Variants in IGLL5 observed in about 807,000 individuals in gnomAD.
IGLL5 encodes the protein immunoglobulin lambda like polypeptide 5.
Under a neutral mutation model 20.9 loss-of-function variants are expected in IGLL5, and 30 were observed. The observed-to-expected ratio is 1.44, with a 90% CI of 1.07 to 1.95. The LOEUF is 1.95. Among genes scored for constraint, IGLL5 ranks in the 30% most tolerant of loss-of-function variants. IGLL5 has a pLI of 0.00. For synonymous variants in IGLL5, 203 were observed against 117.3 expected, an observed-to-expected ratio of 1.73 and a Z score of -4.72; for missense variants, 475 against 270.7, an observed-to-expected ratio of 1.75 and a Z score of -5.30.
chr22:22,889,687 A>T (rs2067744894), intron 1 of IGLL5, among the ~76,000 whole-genome samples: 1 of 151,408 alleles, frequency 6.6e-6, no homozygotes, highest in East Asian at 2.0e-4. Flanking sequence ...TCCAGGGCTC[A>T]AAAGATCCTC....
At position 22,893,790 on chromosome 22, in the gene IGLL5, C is replaced by T. The variant is rs200851114; in HGVS notation, c.297C>T (p.Phe99=). 2.3e-4 allele frequency: 370 copies of T among 1,612,120 alleles called. 1 individual carries two copies. Among genetic ancestry groups the T allele is most frequent in the Admixed American group, 5.0e-4 (30 of 59,808 alleles). The stretch of plus-strand genomic sequence containing the variant: ...AGCCTCAGTCACTGTGTTATGTCTT[C>T]GGAACTGGGACCAAGGTCACCGTCC... ...WSEPQSLCYV[F]GTGTKVTVLG... Residue 99 remains phenylalanine, a synonymous_variant, in exon 2 of 3, where the codon TTC becomes TTT. Coordinates refer to ENST00000526893, the MANE Select transcript of IGLL5 (RefSeq NM_001178126.2).
At chr22:22,888,301 C>G (rs540402662) in intron 1 of IGLL5, 42 bp downstream of exon 1, 4 of 1,531,426 alleles carry the variant, frequency 2.6e-6, no homozygotes, top group East Asian at 4.9e-5. Flanking sequence ...GGTCCTGCAG[C>G]AGAGCTGGGA....
At chr22:22,888,282 G>A (rs748923193) in intron 1 of IGLL5, 23 bp downstream of exon 1, 15 of 1,543,012 alleles carry the variant, frequency 9.7e-6, no homozygotes, top group Middle Eastern at 2.2e-4. Context: ...AGATTCCAGG[G>A]GATGTGGGGG....
rs1174117521 is a variant in IGLL5 at position 22,895,542 on chromosome 22, A to G, written c.493A>G (p.Lys165Glu). The stretch of plus-strand genomic sequence containing the variant: ...CGTCAAGGCGGGAGTGGAGACCACC[A>G]AACCCTCCAAACAGAGCAACAACAA... The part of the protein sequence containing the change: ...SPVKAGVETT[K>E]PSKQSNNKYA... Residue 165 changes from lysine to glutamate, a missense_variant, in exon 3 of 3, where the codon AAA (lysine) becomes GAA (glutamate). Coordinates refer to ENST00000526893, the MANE Select transcript of IGLL5 (RefSeq NM_001178126.2). 6.2e-7 allele frequency: 1 copy of G among 1,612,870 alleles called. No homozygotes were observed. The highest frequency in any genetic ancestry group is 1.7e-5 in the Admixed American group (1 of 59,906).
In IGLL5 at chr22:22,887,985, C is replaced by T; in HGVS notation, c.-69C>T. On this transcript the variant is annotated 5_prime_UTR_variant, in exon 1 of 3. Transcript: ENST00000526893. ...GTAACAGCCCTGCTGGCGAGAGGGACCAGGGCACCGTCCTCCAGGGAGCCC... is the reference window on the plus strand; with the variant it reads ...GTAACAGCCCTGCTGGCGAGAGGGATCAGGGCACCGTCCTCCAGGGAGCCC... The T allele has an allele frequency of 1.6e-6, 2 of 1,269,082 alleles. No homozygotes were observed. Among genetic ancestry groups the T allele is most frequent in the Admixed American group, 2.0e-5 (1 of 50,442 alleles). 78.6% of individuals were successfully genotyped at this position (1,269,082 alleles called of 1,614,324 possible).
chr22:22,894,317 C>A (rs2146038246), intron 2 of IGLL5, among the ~76,000 whole-genome samples: 1 of 151,358 alleles, frequency 6.6e-6, no homozygotes, highest in South Asian at 2.1e-4. Context: ...GAGGTCACCC[C>A]AAGGGGAGAC....
chr22:22,894,309 G>T (rs2068014774), intron 2 of IGLL5, among the ~76,000 whole-genome samples: 3 of 151,390 alleles, frequency 2.0e-5, no homozygotes, highest in South Asian at 2.1e-4. Flanking sequence ...GTGACACAGA[G>T]GTCACCCCAA....
At chr22:22,888,601 G>A (rs2067621096) in intron 1 of IGLL5, among the ~76,000 whole-genome samples, 2 of 151,214 alleles carry the variant, frequency 1.3e-5, no homozygotes, top group Non-Finnish European at 2.9e-5. Context: ...GGTGGCCACT[G>A]TCCCCACAGG....
At chr22:22,889,133 G>T (rs1369818399) in intron 1 of IGLL5, among the ~76,000 whole-genome samples, 2 of 151,214 alleles carry the variant, frequency 1.3e-5, no homozygotes, top group South Asian at 2.1e-4. Context: ...CGGATTGGAG[G>T]CTGATGCGAC....
At chr22:22,888,351 G>A (rs2067585526) in intron 1 of IGLL5, 92 bp downstream of exon 1, 7 of 1,229,370 alleles carry the variant, frequency 5.7e-6, no homozygotes, top group Admixed American at 4.4e-5. Flanking sequence ...GAGTGAGGAG[G>A]AAGGTTAACC....
intron 1 of IGLL5, among the ~76,000 whole-genome samples, chr22:22,889,318 A>G (rs2067706892): frequency 1.3e-5 from 2 of 151,116 alleles, no homozygotes; most frequent in Admixed American, 6.6e-5. Flanking sequence ...AGAGGGGAGC[A>G]GACACGCTCG....
At chr22:22,894,559 C>G (rs2066667766) in intron 2 of IGLL5, among the ~76,000 whole-genome samples, 1 of 151,546 alleles carries the variant, frequency 6.6e-6, no homozygotes, top group African/African-American at 2.4e-5. Context: ...GATCGGCCTC[C>G]TGCCTTCCTC....
At chr22:22,888,985 G>A (rs2067672947) in intron 1 of IGLL5, among the ~76,000 whole-genome samples, 1 of 151,308 alleles carries the variant, frequency 6.6e-6, no homozygotes, top group African/African-American at 2.4e-5. Context: ...ATGAGGCTGG[G>A]AGCTCCTGGG....
intron 2 of IGLL5, among the ~76,000 whole-genome samples, chr22:22,894,366 A>T (rs1195837124): frequency 6.6e-6 from 1 of 151,346 alleles, no homozygotes; most frequent in Admixed American, 6.6e-5. Context: ...TCTAGGCTGC[A>T]GCTCTGTGGC....
In IGLL5 at chr22:22,895,361, C is replaced by T; in HGVS notation, c.326-14C>T. ...TCTGTCTGCCCTCTCTCACCCCCTT[C>T]CCTGTCCACACAGGTCAGCCCAAGG... On this transcript the variant is annotated splice_polypyrimidine_tract_variant and intron_variant, in intron 2 of 2. Coordinates refer to ENST00000526893, the MANE Select transcript of IGLL5 (RefSeq NM_001178126.2). 6.2e-7 allele frequency: 1 copy of T among 1,611,056 alleles called. No individual in the cohort carries two copies. The highest frequency in any genetic ancestry group is 8.5e-7 in the Non-Finnish European group (1 of 1,178,188).
At chr22:22,888,742 C>T (rs146052513) in intron 1 of IGLL5, among the ~76,000 whole-genome samples, 26 of 151,148 alleles carry the variant, frequency 1.7e-4, no homozygotes, top group East Asian at 8.1e-4. Flanking sequence ...TGTTCACCAA[C>T]TTGCACATAA....
At position 22,895,877 on chromosome 22, in the gene IGLL5, T is replaced by G; in HGVS notation, c.*183T>G. The G allele has an allele frequency of 6.4e-5, 42 of 661,340 alleles. No individual in the cohort carries two copies. The highest frequency in any genetic ancestry group is 8.5e-4 in the Middle Eastern group (2 of 2,354). 41.0% of individuals were successfully genotyped at this position (661,340 alleles called of 1,614,324 possible). ...TTTTTTCTCACATAAATTGCTAGCC[T>G]CCCCGGGGTTCTCAGTGTGGGGTAC... is the stretch of plus-strand genomic sequence containing the variant. On this transcript the variant is annotated 3_prime_UTR_variant, in exon 3 of 3. Coordinates refer to ENST00000526893, the MANE Select transcript of IGLL5 (RefSeq NM_001178126.2).
chr22:22,888,650 A>T (rs1601602792), intron 1 of IGLL5, among the ~76,000 whole-genome samples: 2 of 151,138 alleles, frequency 1.3e-5, no homozygotes, highest in African/African-American at 2.4e-5. Context: ...CTCTCTGCCC[A>T]TGTGCCTCCT....
At chr22:22,888,497 T>G (rs544164712) in intron 1 of IGLL5, among the ~76,000 whole-genome samples, 4 of 151,418 alleles carry the variant, frequency 2.6e-5, no homozygotes, top group African/African-American at 9.7e-5. Context: ...CTGGCGCCAC[T>G]TAAATTTTCA....
Sources: gnomAD v4.1 joint callset for allele counts (sites outside exome capture counted in the v4.1 genomes callset) on GRCh38, gnomAD v4.1.1 for gene constraint, MANE v1.5 for transcripts, NCBI Gene and HGNC (gene_info 2026-07-23, HGNC 2026-07-21) for gene names.